Variants in KANK4 observed in about 807,000 individuals in gnomAD.
KANK4 encodes KN motif and ankyrin repeat domains 4, also known as KN motif and ankyrin repeat domain-containing protein 4.
In KANK4, 50 loss-of-function variants were observed where a neutral mutation model predicts 80.8. The ratio of observed to expected loss-of-function variants is 0.62; its 90% CI spans 0.49 to 0.78. The LOEUF is 0.78. Among genes scored for constraint, KANK4 ranks in the 30% least tolerant of loss-of-function variants. KANK4 has a pLI of 0.00. For missense variants in KANK4, 1,196 were observed against 1,240.1 expected (o/e 0.96, Z 0.53); for synonymous variants, 465 against 506.9 (o/e 0.92, Z 1.11).
At position 62,263,137 on chromosome 1, in the gene KANK4, C is replaced by T. The variant is rs764941091; in HGVS notation, c.2494G>A (p.Val832Met). 32 of 1,613,598 alleles carry T rather than the reference C, an allele frequency of 2.0e-5. No homozygotes were observed. The highest frequency in any genetic ancestry group is 5.0e-5 in the Admixed American group (3 of 59,930). Residue 832 changes from valine (V) to methionine (M), a missense_variant, in exon 7 of 10, where the codon GTG becomes ATG. Val to Met is a conservative substitution (Grantham distance 21). Transcript: ENST00000371153. ...HNGNTALHYS[V>M]SHSNFSIVKL... ...ACGATGGAGAAGTTGGAGTGGGACA[C>T]GCTGTAGTGAAGGGCCGTGTTCCCG...
At chr1:62,246,224 G>A (rs1398135178) in intron 9 of KANK4, among the ~76,000 whole-genome samples, 11 of 152,146 alleles carry the variant, frequency 7.2e-5, no homozygotes, top group Admixed American at 7.2e-4. Context: ...CATCATCATT[G>A]CCGTCACCTT....
At position 62,253,036 on chromosome 1, in the gene KANK4, C is replaced by T. The variant is rs775122850; in HGVS notation, c.2682+31G>A. 2.4e-5 allele frequency: 38 copies of T among 1,609,504 alleles called. No homozygotes were observed. In the South Asian group the frequency reaches 4.0e-4, roughly 17 times the overall value. On this transcript the variant is annotated intron_variant, in intron 8 of 9. Transcript: ENST00000371153. Reference sequence around the variant, plus strand: ...AAAGCGGGAGGTGCCCCTGCATTTACTGAAGAGGAGATCCTGTTCATTCCA... The same window carrying T: ...AAAGCGGGAGGTGCCCCTGCATTTATTGAAGAGGAGATCCTGTTCATTCCA...
chr1:62,278,089 G>C (rs145733029), intron 2 of KANK4, among the ~76,000 whole-genome samples: 5 of 152,200 alleles, frequency 3.3e-5, no homozygotes, highest in Non-Finnish European at 7.4e-5. Flanking sequence ...TTGACTTTAC[G>C]CTCTAGGTCA....
At position 62,253,208 on chromosome 1, in the gene KANK4, G is replaced by C. The variant is rs148060294; in HGVS notation, c.2541C>G (p.Gly847=). The change falls in exon 8 of 10, where the codon GGC becomes GGG. Residue 847 remains glycine, a splice_region_variant and synonymous_variant. Coordinates refer to ENST00000371153, the MANE Select transcript of KANK4 (RefSeq NM_181712.5). ...FSIVKLLLET[G]VCNVDHQNKA... Reference sequence around the variant, plus strand: ...TGTTCTGATGGTCCACATTGCAGACGCCTGCAAGAGAAGCAATGGGTGCTG... The same window carrying C: ...TGTTCTGATGGTCCACATTGCAGACCCCTGCAAGAGAAGCAATGGGTGCTG... 6.2e-7 allele frequency: 1 copy of C among 1,602,644 alleles called. No homozygotes were observed. The highest frequency in any genetic ancestry group is 1.1e-5 in the South Asian group (1 of 88,586).
At chr1:62,294,728 G>A (rs1886831) in intron 1 of KANK4, among the ~76,000 whole-genome samples, 45,593 of 152,072 alleles carry the variant, frequency 0.3, 7,431 homozygotes, top group East Asian at 0.64. Flanking sequence ...CCTCTGGCAA[G>A]TTCAGTCTGA....
chr1:62,247,512 AGCAGCC>A lies in KANK4; in HGVS notation c.2837_2842del (p.Arg946_Leu947del), dbSNP rs1323931059. On this transcript the variant is annotated inframe_deletion, in exon 9 of 10. Transcript: ENST00000371153. ...GCTGTCGCAGGCTGGGTGTGCCAGGAGCAGCCGCACCAGGTCCACGTTGCCATGGTG... is the reference window on the plus strand; with the variant it reads ...GCTGTCGCAGGCTGGGTGTGCCAGGAGCACCAGGTCCACGTTGCCATGGTG... 1 of 1,613,964 alleles carries A rather than the reference AGCAGCC, an allele frequency of 6.2e-7. No individual in the cohort carries two copies. The highest frequency in any genetic ancestry group is 2.2e-5 in the East Asian group (1 of 44,860).
At chr1:62,313,275 C>T (rs1644512157) in intron 1 of KANK4, among the ~76,000 whole-genome samples, 1 of 152,208 alleles carries the variant, frequency 6.6e-6, no homozygotes, top group Non-Finnish European at 1.5e-5. Flanking sequence ...TGGAATGTAT[C>T]TCCCATGGGA....
chr1:62,318,770 C>G (rs557978600), intron 1 of KANK4, among the ~76,000 whole-genome samples: 60 of 152,330 alleles, frequency 3.9e-4, no homozygotes, highest in African/African-American at 1.3e-3. Context: ...ACGGCCTCCC[C>G]CTCCTCACCA....
chr1:62,287,672 G>A (rs1672598921), intron 1 of KANK4, among the ~76,000 whole-genome samples: 1 of 152,180 alleles, frequency 6.6e-6, no homozygotes, highest in African/African-American at 2.4e-5. Context: ...CAAGAGCAGA[G>A]TGTCCTGGGG....
In KANK4 at chr1:62,313,567, C is replaced by G. The variant is rs185678317; in HGVS notation, c.-71+5539G>C. 2.5e-3 allele frequency among the ~76,000 whole-genome samples: 379 copies of G among 152,192 alleles called. 5 individuals are homozygous for G. The highest frequency in any genetic ancestry group is 4.5e-3 in the Non-Finnish European group (307 of 68,008). On this transcript the variant is annotated intron_variant, in intron 1 of 9. Transcript: ENST00000371153. ...TTTGTTATTATTTTTTATTTCAAAT[C>G]ACACAAATGATCCATGAAAATAATC...
chr1:62,247,739 G>T, intron 8 of KANK4, 67 bp from the exon 9 acceptor site: 1 of 1,374,300 alleles, frequency 7.3e-7, no homozygotes, highest in Non-Finnish European at 1.0e-6. Context: ...TCTCCAGCCT[G>T]GGTGTGCTCA....
At chr1:62,249,260 A>G (rs1027260142) in intron 8 of KANK4, among the ~76,000 whole-genome samples, 4 of 152,022 alleles carry the variant, frequency 2.6e-5, no homozygotes, top group African/African-American at 9.7e-5. Context: ...ATAATGATGT[A>G]CAGTAATAAT....
intron 1 of KANK4, among the ~76,000 whole-genome samples, chr1:62,281,884 G>A (rs745689379): frequency 2.0e-5 from 3 of 152,142 alleles, no homozygotes; most frequent in Non-Finnish European, 4.4e-5. Context: ...CAGCGGTCTT[G>A]CTTGGCAGAT....
chr1:62,298,551 G>A (rs1243563468), intron 1 of KANK4, among the ~76,000 whole-genome samples: 1 of 152,162 alleles, frequency 6.6e-6, no homozygotes, highest in African/African-American at 2.4e-5. Context: ...TGGTTGGGGA[G>A]GAATGGGAAG....
intron 1 of KANK4, among the ~76,000 whole-genome samples, chr1:62,289,774 A>T (rs1672643427): frequency 6.6e-6 from 1 of 152,180 alleles, no homozygotes; most frequent in African/African-American, 2.4e-5. Flanking sequence ...TAATTCTGCC[A>T]CCTGGCTACA....
At chr1:62,304,724 GC>G (rs1367686935) in intron 1 of KANK4, among the ~76,000 whole-genome samples, 1 of 151,816 alleles carries the variant, frequency 6.6e-6, no homozygotes, top group Non-Finnish European at 1.5e-5. Flanking sequence ...CTCGCCAACA[GC>G]CTCCCCTTTC....
intron 1 of KANK4, among the ~76,000 whole-genome samples, chr1:62,300,830 T>C (rs1644405900): frequency 6.6e-6 from 1 of 152,060 alleles, no homozygotes; most frequent in Non-Finnish European, 1.5e-5. Flanking sequence ...ATTTACAGAA[T>C]GAACAACTGA....
At chr1:62,309,856 T>C (rs555503239) in intron 1 of KANK4, among the ~76,000 whole-genome samples, 185 of 152,236 alleles carry the variant, frequency 1.2e-3, no homozygotes, top group Admixed American at 2.2e-3. Context: ...AAGCAATGGT[T>C]CAAAAGCGGG....
chr1:62,287,506 G>A (rs1021484863), intron 1 of KANK4, among the ~76,000 whole-genome samples: 1 of 152,174 alleles, frequency 6.6e-6, no homozygotes, highest in Non-Finnish European at 1.5e-5. Context: ...CTGAAACGCT[G>A]CCTGCATCGA....
Sources: allele counts gnomAD v4.1 joint callset (sites outside exome capture counted in the v4.1 genomes callset), GRCh38; gene constraint gnomAD v4.1.1; transcripts MANE v1.5; gene names NCBI Gene and HGNC (gene_info 2026-07-23, HGNC 2026-07-21).